Variants in B3GALT1 observed in about 807,000 individuals in gnomAD.
The protein encoded by B3GALT1 is UDP-Gal:betaGlcNAc beta 1,3-galactosyltransferase, polypeptide 1.
Under a neutral mutation model 23.2 loss-of-function variants are expected in B3GALT1, and 10 were observed. That is an observed-to-expected ratio of 0.43 (90% confidence interval 0.27 to 0.73). B3GALT1 has a LOEUF of 0.73. B3GALT1 is among the 30% of genes least tolerant of loss of function. The pLI is 0.21. For missense variants in B3GALT1, 299 were observed against 405.4 expected (o/e 0.74, Z 2.25); for synonymous variants, 156 against 141.5 (o/e 1.10, Z -0.73).
At chr2:167,315,330 T>C (rs990507280) in intron 1 of B3GALT1, among the ~76,000 whole-genome samples, 1 of 152,190 alleles carries the variant, frequency 6.6e-6, no homozygotes, top group African/African-American at 2.4e-5. Flanking sequence ...CTTAGTTTTT[T>C]CTGTTTGTAT....
intron 1 of B3GALT1, among the ~76,000 whole-genome samples, chr2:167,392,986 G>C (rs1400640776): frequency 1.3e-5 from 2 of 152,132 alleles, no homozygotes; most frequent in Non-Finnish European, 2.9e-5. Context: ...TGTAATCCCA[G>C]CACTTTGGGA....
At chr2:167,365,571 A>T (rs1697572442) in intron 1 of B3GALT1, among the ~76,000 whole-genome samples, 1 of 144,574 alleles carries the variant, frequency 6.9e-6, no homozygotes, top group African/African-American at 2.6e-5. Context: ...GCATATTCAT[A>T]ATAGAGATAC....
chr2:167,416,058 G>A (rs551318498), intron 1 of B3GALT1, among the ~76,000 whole-genome samples: 1 of 152,186 alleles, frequency 6.6e-6, no homozygotes, highest in Non-Finnish European at 1.5e-5. Flanking sequence ...GAAAAAGCTT[G>A]TTCAAGAGAG....
chr2:167,334,897 A>C (rs1048692075), intron 1 of B3GALT1, among the ~76,000 whole-genome samples: 7 of 152,260 alleles, frequency 4.6e-5, no homozygotes, highest in African/African-American at 1.7e-4. Flanking sequence ...CTGTTCTCTC[A>C]AGTTCCAAGT....
chr2:167,583,299 G>A (rs1373588755), intron 2 of B3GALT1, among the ~76,000 whole-genome samples: 1 of 151,996 alleles, frequency 6.6e-6, no homozygotes, highest in African/African-American at 2.4e-5. Flanking sequence ...TCCTCTTCAT[G>A]ATGTAGCTGC....
chr2:167,845,528 C>A (rs145002655), intron 4 of B3GALT1, among the ~76,000 whole-genome samples: 10 of 152,266 alleles, frequency 6.6e-5, no homozygotes, highest in African/African-American at 2.2e-4. Flanking sequence ...TTGCAGGAAG[C>A]CACATGCTTA....
intron 2 of B3GALT1, among the ~76,000 whole-genome samples, chr2:167,529,496 C>T (rs142306640): frequency 6.7e-6 from 1 of 149,214 alleles, no homozygotes; most frequent in African/African-American, 2.5e-5. Flanking sequence ...GTCTGAGCTA[C>T]TGAAAGGCGG....
chr2:167,365,017 G>A (rs1332025247), intron 1 of B3GALT1, among the ~76,000 whole-genome samples: 1 of 152,144 alleles, frequency 6.6e-6, no homozygotes, highest in Non-Finnish European at 1.5e-5. Flanking sequence ...AAATATAACA[G>A]CAAGAACAAT....
At chr2:167,411,684 C>T (rs1698395350) in intron 1 of B3GALT1, among the ~76,000 whole-genome samples, 1 of 152,108 alleles carries the variant, frequency 6.6e-6, no homozygotes. Context: ...AATAGAACTA[C>T]CATATTATCC....
chr2:167,369,740 A>T lies in B3GALT1; in HGVS notation c.-511+76406A>T, dbSNP rs372261990. On this transcript the variant is annotated intron_variant, in intron 1 of 4. Transcript: ENST00000392690. ...TTTCAATACGGCATGTGCAGCAGCC[A>T]ACAAGGAAAGGGATATGTGATATTA... Among the ~76,000 whole-genome samples the T allele has an allele frequency of 1.2e-4, 19 of 152,336 alleles. No homozygotes were observed. The East Asian group carries it at 2.1e-3, about 17-fold the overall frequency.
intron 2 of B3GALT1, among the ~76,000 whole-genome samples, chr2:167,629,465 T>C (rs1685402748): frequency 6.6e-6 from 1 of 151,718 alleles, no homozygotes; most frequent in Non-Finnish European, 1.5e-5. Flanking sequence ...AATTAATAAA[T>C]ATACACTCCA....
At chr2:167,454,210 T>TGTGTGTGTGC (rs558775232) in intron 1 of B3GALT1, among the ~76,000 whole-genome samples, 1 of 149,542 alleles carries the variant, frequency 6.7e-6, no homozygotes, top group African/African-American at 2.6e-5. Context: ...TGTGTGTGTG[T>TGTGTGTGTGC]GCGCACGCGC....
chr2:167,780,915 A>C (rs72878709), intron 3 of B3GALT1, among the ~76,000 whole-genome samples: 9,375 of 152,306 alleles, frequency 0.062, 365 homozygotes, highest in African/African-American at 0.1. Context: ...GGTAGTGTAC[A>C]ACATTGTGAA....
chr2:167,757,179 G>A (rs1198906795), intron 3 of B3GALT1, among the ~76,000 whole-genome samples: 3 of 152,132 alleles, frequency 2.0e-5, no homozygotes, highest in South Asian at 2.1e-4. Context: ...TTCACCAGGT[G>A]TAAGCAGTTA....
intron 2 of B3GALT1, among the ~76,000 whole-genome samples, chr2:167,560,219 A>C (rs991868720): frequency 5.9e-5 from 9 of 152,192 alleles, no homozygotes; most frequent in African/African-American, 2.2e-4. Flanking sequence ...TTCATAAGTG[A>C]AGGAGAAATA....
chr2:167,447,637 C>G (rs1256382640), intron 1 of B3GALT1, among the ~76,000 whole-genome samples: 1 of 152,126 alleles, frequency 6.6e-6, no homozygotes, highest in Admixed American at 6.5e-5. Context: ...GAGTGAACCT[C>G]CATGGGTGTG....
intron 3 of B3GALT1, among the ~76,000 whole-genome samples, chr2:167,661,189 C>T (rs187326738): frequency 2.9e-3 from 436 of 152,124 alleles, no homozygotes; most frequent in African/African-American, 9.8e-3. Context: ...TTGGAGGCAA[C>T]GTTGTCACCC....
At chr2:167,637,356 C>G (rs1011354242) in intron 2 of B3GALT1, among the ~76,000 whole-genome samples, 33 of 152,092 alleles carry the variant, frequency 2.2e-4, no homozygotes, top group Middle Eastern at 3.4e-3. Flanking sequence ...TCAGATGCCT[C>G]TACCTGTTTT....
At chr2:167,401,995 C>G (rs577494621) in intron 1 of B3GALT1, among the ~76,000 whole-genome samples, 1 of 152,228 alleles carries the variant, frequency 6.6e-6, no homozygotes, top group East Asian at 1.9e-4. Flanking sequence ...TGGTTTGAGA[C>G]AGTCCCTAAT....
Sources: gnomAD v4.1 joint callset for allele counts (sites outside exome capture counted in the v4.1 genomes callset) on GRCh38, gnomAD v4.1.1 for gene constraint, MANE v1.5 for transcripts, NCBI Gene and HGNC (gene_info 2026-07-23, HGNC 2026-07-21) for gene names.